The following STIL variants were observed in gnomAD, a reference collection of about 807,000 sequenced individuals.
STIL encodes the protein STIL centriolar assembly protein.
STIL carries 55 observed loss-of-function variants against 110.1 expected under a neutral mutation model. The ratio of observed to expected loss-of-function variants is 0.50; its 90% CI spans 0.40 to 0.63. STIL has a LOEUF of 0.63. Ranked by LOEUF, STIL falls within the 20% of genes least tolerant of loss-of-function variation. STIL has a pLI of 0.00. For synonymous variants in STIL, 481 were observed against 530.0 expected (o/e 0.91, Z 1.27); for missense variants, 1,358 against 1,530.0 (o/e 0.89, Z 1.87).
chr1:47,280,391 A>G lies in STIL; in HGVS notation c.2067T>C (p.Pro689=), dbSNP rs1645122039. Reference sequence around the variant, plus strand: ...GTGGGTTACATAAGTCCATATGTGAAGGCGGTCTTGCCACAGGCGATGGTT... The same window carrying G: ...GTGGGTTACATAAGTCCATATGTGAGGGCGGTCTTGCCACAGGCGATGGTT... ...NIEPSPVARP[P]SHMDLCNPQP... The change falls in exon 12 of 17, where the codon CCT becomes CCC. Residue 689 remains proline, a synonymous_variant. Coordinates refer to ENST00000371877, the MANE Select transcript of STIL (RefSeq NM_001048166.1). 1 of 1,614,088 alleles carries G rather than the reference A, an allele frequency of 6.2e-7. No homozygotes were observed. Among genetic ancestry groups the G allele is most frequent in the Non-Finnish European group, 8.5e-7 (1 of 1,180,046 alleles).
chr1:47,311,275 CT>C (rs60248293), intron 1 of STIL, among the ~76,000 whole-genome samples: 38,702 of 143,962 alleles, frequency 0.27, 5,456 homozygotes, highest in Non-Finnish European at 0.32. Flanking sequence ...ATTTTCTTTT[CT>C]TTTTTTCTTT....
upstream of STIL, among the ~76,000 whole-genome samples, chr1:47,314,529 G>A (rs1014568829): frequency 6.6e-6 from 1 of 152,226 alleles, no homozygotes; most frequent in South Asian, 2.1e-4. Context: ...GCGACTGGAA[G>A]CGGACACCCG....
chr1:47,267,651 C>T (rs1019571236), intron 14 of STIL, among the ~76,000 whole-genome samples: 23 of 128,324 alleles, frequency 1.8e-4, no homozygotes, highest in Middle Eastern at 4.4e-3. Context: ...CCAGCCAGGG[C>T]GACAGAGCGA....
chr1:47,262,388 A>C (rs1190346866), intron 15 of STIL, among the ~76,000 whole-genome samples: 2 of 151,404 alleles, frequency 1.3e-5, no homozygotes, highest in African/African-American at 2.4e-5. Context: ...TTACACTACT[A>C]CTCCTCAACA....
At chr1:47,265,686 CAGG>C (rs1319417883) in intron 14 of STIL, among the ~76,000 whole-genome samples, 1 of 145,526 alleles carries the variant, frequency 6.9e-6, no homozygotes, top group African/African-American at 2.6e-5. Flanking sequence ...CAGGCTGAGG[CAGG>C]AGAACTGCTT....
intron 16 of STIL, among the ~76,000 whole-genome samples, chr1:47,256,688 A>T (rs1217209112): frequency 6.6e-6 from 1 of 150,478 alleles, no homozygotes; most frequent in Non-Finnish European, 1.5e-5. Context: ...ACTGAGAACG[A>T]GGTATTTTAA....
rs1644188274 is a variant in STIL at position 47,251,713 on chromosome 1, A to G, written c.3290T>C (p.Leu1097Pro). 1 of 1,614,068 alleles carries G rather than the reference A, an allele frequency of 6.2e-7. No individual in the cohort carries two copies. The highest frequency in any genetic ancestry group is 8.5e-7 in the Non-Finnish European group (1 of 1,180,038). ...NQNNCDPFSL[L>P]HINTDRSTVG... ...TGTGCTTCTGTCTGTATTAATATGG[A>G]GAAGGCTGAATGGGTCACAATTATT... The change falls in exon 17 of 17, where the codon CTC becomes CCC. Residue 1097 changes from leucine to proline, a missense_variant. Transcript: ENST00000371877.
chr1:47,264,230 G>A (rs1009161872), intron 14 of STIL, among the ~76,000 whole-genome samples: 1 of 152,168 alleles, frequency 6.6e-6, no homozygotes, highest in African/African-American at 2.4e-5. Flanking sequence ...TATGAACCAG[G>A]AAATGGGTCC....
intron 12 of STIL, among the ~76,000 whole-genome samples, chr1:47,275,929 G>A (rs376190725): frequency 6.6e-6 from 1 of 151,712 alleles, no homozygotes; most frequent in South Asian, 2.1e-4. Context: ...GCCCAGCCAA[G>A]AATAAATTTT....
chr1:47,269,462 C>A (rs1373739545), intron 14 of STIL, among the ~76,000 whole-genome samples, 173 bp downstream of exon 14: 1 of 151,802 alleles, frequency 6.6e-6, no homozygotes, highest in African/African-American at 2.4e-5. Flanking sequence ...ATGTTTTTAC[C>A]ACAGAAAAAG....
chr1:47,295,092 T>G (rs1270068997), intron 7 of STIL, among the ~76,000 whole-genome samples: 1 of 151,958 alleles, frequency 6.6e-6, no homozygotes, highest in Non-Finnish European at 1.5e-5. Flanking sequence ...TGGCTAATTT[T>G]TTGTATTTTT....
rs780560501 is a variant in STIL, at chr1:47,272,126, G to A, written c.2333C>T (p.Ser778Phe). Reference protein sequence around the residue: ...QMELVSVEAQSSPGLHMRKGV... With the variant: ...QMELVSVEAQFSPGLHMRKGV... ...TTTTCTCATGTGCAAGCCAGGGGAA[G>A]ACTGTGCTTCCACAGAAACCAACTC... is the stretch of plus-strand genomic sequence containing the variant. Residue 778 changes from serine (S) to phenylalanine (F), a missense_variant, in exon 13 of 17, where the codon TCT becomes TTT. By Grantham distance (155) the Ser-to-Phe change is radical. Transcript: ENST00000371877. 1.2e-5 allele frequency: 19 copies of A among 1,614,200 alleles called. No individual in the cohort carries two copies. Among genetic ancestry groups the A allele is most frequent in the Admixed American group, 1.7e-5 (1 of 60,022 alleles).
At chr1:47,306,264 CT>C (rs35382902) in intron 2 of STIL, among the ~76,000 whole-genome samples, 59,379 of 138,944 alleles carry the variant, frequency 0.43, 14,001 homozygotes, top group South Asian at 0.54. Context: ...CTTTTCTTTC[CT>C]TTTTTTTTTT....
chr1:47,292,729 CTT>C (rs1645531426), intron 8 of STIL, among the ~76,000 whole-genome samples: 1 of 152,180 alleles, frequency 6.6e-6, no homozygotes, highest in Non-Finnish European at 1.5e-5. Context: ...CAAGATATCA[CTT>C]TACAGTGATT....
chr1:47,279,834 T>G (rs7532148), intron 12 of STIL, among the ~76,000 whole-genome samples: 16 of 151,768 alleles, frequency 1.1e-4, no homozygotes, highest in Admixed American at 3.3e-4. Context: ...AGTATAGATA[T>G]GCAGAAAGGC....
chr1:47,279,743 A>C lies in STIL; in HGVS notation c.2217+498T>G, dbSNP rs1318258797. On this transcript the variant is annotated intron_variant, in intron 12 of 16. Coordinates refer to ENST00000371877, the MANE Select transcript of STIL (RefSeq NM_001048166.1). ...ACTCCGTCTCAAAAAAAAAAAAAAA[A>C]AACAACAAAAAACTAAGAACTCTGC... 2.6e-4 allele frequency among the ~76,000 whole-genome samples: 40 copies of C among 151,558 alleles called. 1 individual carries two copies. Among genetic ancestry groups the C allele is most frequent in the East Asian group, 1.9e-3 (10 of 5,170 alleles).
intron 16 of STIL, among the ~76,000 whole-genome samples, chr1:47,256,353 T>G (rs185904616): frequency 2.0e-5 from 3 of 152,306 alleles, no homozygotes; most frequent in East Asian, 1.9e-4. Context: ...GCTGGAGCAG[T>G]GGCTCATGCC....
chr1:47,281,057 G>A lies in STIL; in HGVS notation c.1401C>T (p.Pro467=), dbSNP rs773541523. The A allele has an allele frequency of 5.6e-6, 9 of 1,613,936 alleles. No individual in the cohort carries two copies. Among genetic ancestry groups the A allele is most frequent in the Non-Finnish European group, 7.6e-6 (9 of 1,180,016 alleles). The change falls in exon 12 of 17, where the codon CCC becomes CCT. Residue 467 remains proline, a synonymous_variant. Coordinates refer to ENST00000371877, the MANE Select transcript of STIL (RefSeq NM_001048166.1). ...GACTGTGTTTCTCATCATAAAGCTG[G>A]GGTTGCAATGGCTTCAAGTGTTCCA... is the stretch of plus-strand genomic sequence containing the variant. ...NHLEHLKPLQ[P]QLYDEKHSPE... is the part of the protein sequence containing the mutation.
intron 12 of STIL, among the ~76,000 whole-genome samples, chr1:47,276,089 G>A (rs912549325): frequency 2.0e-5 from 3 of 150,852 alleles, no homozygotes; most frequent in East Asian, 2.0e-4. Flanking sequence ...TGCAATTTCC[G>A]CCTCTGAGGT....
Sources: allele counts gnomAD v4.1 joint callset (sites outside exome capture counted in the v4.1 genomes callset), GRCh38; gene constraint gnomAD v4.1.1; transcripts MANE v1.5; gene names NCBI Gene and HGNC (gene_info 2026-07-23, HGNC 2026-07-21).